The following ROBO1 variants were observed in gnomAD, a reference collection of about 807,000 sequenced individuals.
ROBO1 encodes the protein roundabout homolog 1.
In ROBO1, 149 loss-of-function variants were observed where a neutral mutation model predicts 195.9. The observed-to-expected ratio is 0.76, with a 90% CI of 0.67 to 0.87. The LOEUF is 0.87. Ranked by LOEUF, ROBO1 falls within the 40% of genes least tolerant of loss-of-function variation. ROBO1 has a pLI of 0.00. For synonymous variants in ROBO1, 816 were observed against 733.2 expected, an observed-to-expected ratio of 1.11 and a Z score of -1.82; for missense variants, 1,933 against 2,068.3, an observed-to-expected ratio of 0.93 and a Z score of 1.27.
At chr3:79,735,887 CA>C (rs5850448) in intron 1 of ROBO1, among the ~76,000 whole-genome samples, 87,763 of 143,754 alleles carry the variant, frequency 0.61, 26,220 homozygotes, top group South Asian at 0.7. Context: ...AAAAAAAAAA[CA>C]AAAAAAAAAC....
At chr3:79,410,373 C>T (rs760155186) in intron 2 of ROBO1, among the ~76,000 whole-genome samples, 1 of 152,152 alleles carries the variant, frequency 6.6e-6, no homozygotes, top group Admixed American at 6.6e-5. Flanking sequence ...TGAATTCCTT[C>T]TTCAGGACTT....
chr3:78,789,970 C>T (rs1282999486), intron 4 of ROBO1, among the ~76,000 whole-genome samples: 1 of 152,152 alleles, frequency 6.6e-6, no homozygotes, highest in Non-Finnish European at 1.5e-5. Context: ...TCTATACAGA[C>T]GAGGCATGCA....
At chr3:78,783,299 T>C (rs986285822) in intron 4 of ROBO1, among the ~76,000 whole-genome samples, 1 of 152,162 alleles carries the variant, frequency 6.6e-6, no homozygotes, top group Non-Finnish European at 1.5e-5. Flanking sequence ...AACAATATAT[T>C]TTTTTAAAAA....
chr3:78,925,683 G>T (rs932201617), intron 4 of ROBO1, among the ~76,000 whole-genome samples: 1 of 152,026 alleles, frequency 6.6e-6, no homozygotes, highest in Non-Finnish European at 1.5e-5. Flanking sequence ...TATACACAGC[G>T]GTGAGAAGTA....
chr3:79,713,546 G>C (rs2107244600), intron 1 of ROBO1, among the ~76,000 whole-genome samples: 1 of 152,194 alleles, frequency 6.6e-6, no homozygotes, highest in African/African-American at 2.4e-5. Flanking sequence ...AATAACAATA[G>C]AACTAGAATT....
intron 8 of ROBO1, among the ~76,000 whole-genome samples, chr3:78,713,882 C>T (rs2081830337): frequency 6.6e-6 from 1 of 152,226 alleles, no homozygotes. Context: ...GATGCAGGCA[C>T]TCTGTGCGCA....
intron 1 of ROBO1, among the ~76,000 whole-genome samples, chr3:79,618,384 T>G (rs12107785): frequency 0.015 from 2,285 of 152,168 alleles, 51 homozygotes; most frequent in African/African-American, 0.053. Flanking sequence ...ACAAAAGAAG[T>G]GAAAATAGCC....
chr3:78,703,831 AT>A (rs2081480138), intron 8 of ROBO1, among the ~76,000 whole-genome samples: 2 of 151,938 alleles, frequency 1.3e-5, no homozygotes, highest in Non-Finnish European at 2.9e-5. Flanking sequence ...ACACATATAT[AT>A]ATATAAAATC....
At chr3:79,007,143 C>A (rs139818512) in intron 3 of ROBO1, among the ~76,000 whole-genome samples, 1 of 152,018 alleles carries the variant, frequency 6.6e-6, no homozygotes, top group Non-Finnish European at 1.5e-5. Flanking sequence ...AAAAAAAGGG[C>A]ATCTTGTGCC....
chr3:79,168,027 C>T (rs1166762832), intron 2 of ROBO1, among the ~76,000 whole-genome samples: 1 of 152,018 alleles, frequency 6.6e-6, no homozygotes, highest in East Asian at 1.9e-4. Flanking sequence ...TAACTTGTAC[C>T]ACATGTTGGT....
At chr3:79,445,730 C>A (rs2039228649) in intron 2 of ROBO1, among the ~76,000 whole-genome samples, 1 of 148,988 alleles carries the variant, frequency 6.7e-6, no homozygotes, top group Non-Finnish European at 1.5e-5. Flanking sequence ...GGCGCGATAT[C>A]GGCTCACTGC....
rs371139082 is a variant in ROBO1 at position 78,661,197 on chromosome 3, T to C, written c.2153A>G (p.His718Arg). 7.4e-5 allele frequency: 119 copies of C among 1,613,556 alleles called. No individual in the cohort carries two copies. The highest frequency in any genetic ancestry group is 1.0e-4 in the Non-Finnish European group (118 of 1,179,734). The change falls in exon 16 of 31, where the codon CAC becomes CGC. Residue 718 changes from histidine (H) to arginine (R), a missense_variant. His to Arg is a conservative substitution (Grantham distance 29). This residue lies in a region of ROBO1 where 1,737 missense variants were observed against 1,882.5 expected (regional missense o/e 0.92). Transcript: ENST00000464233. ...AAAAACTAACCAGTCTGATTCTCCG[T>C]GGTTGGCTCCAGATGGCCGATAGAG... is the stretch of plus-strand genomic sequence containing the variant. ...KILYRPSGAN[H>R]GESDWLVFEV... is the part of the protein sequence containing the mutation.
intron 3 of ROBO1, among the ~76,000 whole-genome samples, chr3:79,115,329 TAAC>T (rs2079973788): frequency 6.6e-6 from 1 of 152,114 alleles, no homozygotes; most frequent in African/African-American, 2.4e-5. Context: ...GAAGGATATG[TAAC>T]AACAAAGTCT....
chr3:78,746,749 T>A lies in ROBO1; in HGVS notation c.651A>T (p.Arg217Ser). 6.6e-7 allele frequency: 1 copy of A among 1,520,472 alleles called. No individual in the cohort carries two copies. Among genetic ancestry groups the A allele is most frequent in the Non-Finnish European group, 8.9e-7 (1 of 1,121,626 alleles). 94.2% of individuals were successfully genotyped at this position (1,520,472 alleles called of 1,614,324 possible). ...TGTTGAATTAAATACTCACAGTTAT[T>A]CTTTCATCTTTATCATCCAGTGGAG... ...DGSPLDDKDE[R>S]ITIRGGKLMI... The change falls in exon 5 of 31, where the codon AGA becomes AGT. Residue 217 changes from arginine (R) to serine (S), a missense_variant. Physicochemically the swap from Arg to Ser is moderately radical, Grantham distance 110 (BLOSUM62 -1). Around this residue, in one of 3 missense-constraint regions of ROBO1, gnomAD observed 1,737 missense variants for 1,882.5 expected, o/e 0.92. Transcript: ENST00000464233.
chr3:79,606,366 A>T (rs1046781940), intron 1 of ROBO1, among the ~76,000 whole-genome samples: 1 of 152,006 alleles, frequency 6.6e-6, no homozygotes, highest in African/African-American at 2.4e-5. Flanking sequence ...GCATAGATTG[A>T]TAATGAATGA....
At chr3:79,685,527 T>C (rs1947077661) in intron 1 of ROBO1, among the ~76,000 whole-genome samples, 1 of 152,164 alleles carries the variant, frequency 6.6e-6, no homozygotes, top group Non-Finnish European at 1.5e-5. Context: ...TTGCACAACG[T>C]CCTGGGATAA....
intron 4 of ROBO1, among the ~76,000 whole-genome samples, chr3:78,902,212 A>C (rs2037631863): frequency 6.6e-6 from 1 of 152,200 alleles, no homozygotes; most frequent in Admixed American, 6.5e-5. Flanking sequence ...AATAAATGTA[A>C]GAAAATATAT....
At chr3:78,712,303 G>A (rs1000081383) in intron 8 of ROBO1, among the ~76,000 whole-genome samples, 2 of 152,044 alleles carry the variant, frequency 1.3e-5, no homozygotes, top group African/African-American at 2.4e-5. Context: ...ACAAAACACG[G>A]AAAGTTTTTT....
At chr3:79,640,963 A>G (rs1168061759) in intron 1 of ROBO1, among the ~76,000 whole-genome samples, 1 of 152,142 alleles carries the variant, frequency 6.6e-6, no homozygotes, top group Non-Finnish European at 1.5e-5. Flanking sequence ...GCATTCCCCA[A>G]GCTATCTTTA....
Sources: allele counts gnomAD v4.1 joint callset (sites outside exome capture counted in the v4.1 genomes callset), GRCh38; gene constraint gnomAD v4.1.1; regional missense constraint gnomAD v4.1.1; transcripts MANE v1.5; gene names NCBI Gene and HGNC (gene_info 2026-07-23, HGNC 2026-07-21).